The following AKAP6 variants were observed in gnomAD, a reference collection of about 807,000 sequenced individuals.
The protein encoded by AKAP6 is A-kinase anchor protein 6.
Under a neutral mutation model 188.5 loss-of-function variants are expected in AKAP6, and 58 were observed. The observed-to-expected ratio is 0.31, with a 90% CI of 0.25 to 0.38. The LOEUF is 0.38. AKAP6 is among the 10% of genes least tolerant of loss of function. AKAP6 has a pLI of 1.00. For missense variants in AKAP6, 2,710 were observed against 2,740.0 expected, an observed-to-expected ratio of 0.99 and a Z score of 0.24; for synonymous variants, 989 against 998.6, an observed-to-expected ratio of 0.99 and a Z score of 0.18.
intron 4 of AKAP6, among the ~76,000 whole-genome samples, chr14:32,570,793 G>A (rs1884442092): frequency 6.6e-6 from 1 of 152,164 alleles, no homozygotes; most frequent in South Asian, 2.1e-4. Context: ...TGGCTTATGA[G>A]AAGCACTTTT....
chr14:32,649,262 A>G (rs1479958717), intron 7 of AKAP6, among the ~76,000 whole-genome samples: 3 of 152,172 alleles, frequency 2.0e-5, no homozygotes, highest in African/African-American at 7.2e-5. Flanking sequence ...ATGAAATACA[A>G]GGTCATTTAC....
chr14:32,435,940 A>T (rs886961691), intron 2 of AKAP6, among the ~76,000 whole-genome samples: 1 of 152,210 alleles, frequency 6.6e-6, no homozygotes, highest in African/African-American at 2.4e-5. Context: ...AAGCACTGTC[A>T]TGCATTTTTT....
chr14:32,736,512 A>G (rs778544507), intron 11 of AKAP6, among the ~76,000 whole-genome samples: 9 of 152,132 alleles, frequency 5.9e-5, no homozygotes, highest in Non-Finnish European at 1.2e-4. Context: ...TTAACATTAG[A>G]ATGTTTTCCC....
In AKAP6 at chr14:32,584,093, G is replaced by A. The variant is rs183454701; in HGVS notation, c.2469+6851G>A. Among the ~76,000 whole-genome samples the A allele has an allele frequency of 1.4e-4, 21 of 152,322 alleles. No homozygotes were observed. In the South Asian group the frequency reaches 1.7e-3, roughly 12 times the overall value. On this transcript the variant is annotated intron_variant, in intron 5 of 13. Transcript: ENST00000280979. Reference sequence around the variant, plus strand: ...TCACTCACGCTGGGAGCTGTAGACCGGAGCTGTTCCTATTTGGCCATCTTG... The same window carrying A: ...TCACTCACGCTGGGAGCTGTAGACCAGAGCTGTTCCTATTTGGCCATCTTG...
Position 32,735,841 on chromosome 14 carries a change from G to A in AKAP6, c.3331G>A (p.Glu1111Lys). ...IFNSCLRQEK[E>K]GTMNTEKQLQ... Reference sequence around the variant, plus strand: ...CAATTCCTGTCTGAGACAAGAAAAGGAAGGAACAATGAATACTGAGAAACA... The same window carrying A: ...CAATTCCTGTCTGAGACAAGAAAAGAAAGGAACAATGAATACTGAGAAACA... Residue 1111 changes from glutamate (E) to lysine (K), a missense_variant, in exon 11 of 14, where the codon GAA becomes AAA. Coordinates refer to ENST00000280979, the MANE Select transcript of AKAP6 (RefSeq NM_004274.5). 1 of 1,613,000 alleles carries A rather than the reference G, an allele frequency of 6.2e-7. No homozygotes were observed.
chr14:32,600,880 G>A (rs1885898932), intron 7 of AKAP6, 88 bp downstream of exon 7: 4 of 1,296,852 alleles, frequency 3.1e-6, no homozygotes, highest in Non-Finnish European at 4.1e-6. Flanking sequence ...CAACCCTAAG[G>A]CTTTTTGTTT....
intron 2 of AKAP6, among the ~76,000 whole-genome samples, chr14:32,493,062 G>A (rs554597403): frequency 1.3e-5 from 2 of 152,268 alleles, no homozygotes; most frequent in Admixed American, 6.5e-5. Flanking sequence ...GGAGAAAAAG[G>A]GTAACTGTTT....
At chr14:32,635,169 A>C (rs1426302063) in intron 7 of AKAP6, among the ~76,000 whole-genome samples, 1 of 152,076 alleles carries the variant, frequency 6.6e-6, no homozygotes, top group African/African-American at 2.4e-5. Flanking sequence ...TTCAGATTGG[A>C]AAATAAAATT....
chr14:32,498,558 C>G (rs1283646457), intron 2 of AKAP6, among the ~76,000 whole-genome samples: 1 of 152,026 alleles, frequency 6.6e-6, no homozygotes, highest in Non-Finnish European at 1.5e-5. Context: ...TAGATATTGA[C>G]TATTTTATGT....
At chr14:32,754,964 AT>A (rs1181115738) in intron 11 of AKAP6, among the ~76,000 whole-genome samples, 1 of 152,094 alleles carries the variant, frequency 6.6e-6, no homozygotes, top group Non-Finnish European at 1.5e-5. Context: ...TTTGATTATA[AT>A]TTGTCCTGGT....
chr14:32,796,856 CA>C (rs1254376888), intron 12 of AKAP6, among the ~76,000 whole-genome samples: 1 of 152,178 alleles, frequency 6.6e-6, no homozygotes, highest in Non-Finnish European at 1.5e-5. Flanking sequence ...TCAGAGTGAA[CA>C]GACAACCTAC....
chr14:32,343,534 G>T (rs1031487308), intron 1 of AKAP6, among the ~76,000 whole-genome samples: 18 of 151,860 alleles, frequency 1.2e-4, no homozygotes, highest in African/African-American at 4.3e-4. Context: ...GGATCACGAG[G>T]TCAGGAGATC....
At chr14:32,620,626 T>C (rs1315665933) in intron 7 of AKAP6, among the ~76,000 whole-genome samples, 1 of 152,072 alleles carries the variant, frequency 6.6e-6, no homozygotes, top group Non-Finnish European at 1.5e-5. Flanking sequence ...TGTAGTTTTC[T>C]TTTTTTGTTA....
intron 7 of AKAP6, among the ~76,000 whole-genome samples, chr14:32,610,209 TGA>T: frequency 1.3e-5 from 2 of 152,284 alleles, no homozygotes; most frequent in South Asian, 2.1e-4. Flanking sequence ...AGATAATCAT[TGA>T]GAGAGTCTTC....
chr14:32,401,706 A>G (rs1276927439), intron 1 of AKAP6, among the ~76,000 whole-genome samples: 1 of 152,184 alleles, frequency 6.6e-6, no homozygotes, highest in Admixed American at 6.6e-5. Context: ...TAATAACTTA[A>G]TCTGTCTCTC....
chr14:32,494,281 G>A (rs1254936333), intron 2 of AKAP6: 1 of 152,134 alleles, frequency 6.6e-6, no homozygotes, highest in African/African-American at 2.4e-5. Flanking sequence ...ACCATGAGTA[G>A]GGTGTTGATG....
chr14:32,633,503 C>T (rs114899725), intron 7 of AKAP6, among the ~76,000 whole-genome samples: 163 of 152,158 alleles, frequency 1.1e-3, no homozygotes, highest in African/African-American at 3.9e-3. Context: ...AGGATGCACC[C>T]CTGCCCCATC....
In AKAP6 at chr14:32,546,838, C is replaced by T. The variant is rs370767767; in HGVS notation, c.2185C>T (p.Pro729Ser). ...DILSDEESSM[P>S]LAGMKKYADE... ...TCTTTCTGATGAGGAGTCCAGTATG[C>T]CTCTCGCTGGCATGAAAAAGTATGC... The change falls in exon 4 of 14, where the codon CCT becomes TCT. Residue 729 changes from proline (P) to serine (S), a missense_variant. Physicochemically the swap from Pro to Ser is moderately conservative, Grantham distance 74. Around this residue, in one of 2 missense-constraint regions of AKAP6, gnomAD observed 2,473 missense variants for 2,426.1 expected, o/e 1.02. Transcript: ENST00000280979. 37 of 1,613,886 alleles carry T rather than the reference C, an allele frequency of 2.3e-5. No individual in the cohort carries two copies. Among genetic ancestry groups the T allele is most frequent in the Non-Finnish European group, 3.1e-5 (36 of 1,180,010 alleles).
At chr14:32,757,943 G>C (rs1365974421) in intron 11 of AKAP6, among the ~76,000 whole-genome samples, 2 of 152,194 alleles carry the variant, frequency 1.3e-5, no homozygotes, top group Non-Finnish European at 2.9e-5. Flanking sequence ...TGGAGGCCTG[G>C]AGATAAGCGA....
Sources: gnomAD v4.1 joint callset for allele counts (sites outside exome capture counted in the v4.1 genomes callset) on GRCh38, gnomAD v4.1.1 for gene constraint, gnomAD v4.1.1 regional missense constraint, MANE v1.5 for transcripts, NCBI Gene and HGNC (gene_info 2026-07-23, HGNC 2026-07-21) for gene names.